CACNB2: variants seen among roughly 807,000 people sequenced by gnomAD.
CACNB2 encodes the protein calcium voltage-gated channel auxiliary subunit beta 2.
CACNB2 carries 42 observed loss-of-function variants against 73.3 expected under a neutral mutation model. The observed-to-expected ratio is 0.57, with a 90% confidence interval of 0.45 to 0.74. The LOEUF (loss-of-function observed/expected upper bound fraction) is 0.74, where lower values mean the gene tolerates loss of function less well. Ranked by LOEUF, CACNB2 falls within the 30% of genes least tolerant of loss-of-function variation. The pLI, the probability that CACNB2 is intolerant of heterozygous loss-of-function variation, is 0.00. For synonymous variants in CACNB2, 348 were observed against 310.3 expected (o/e 1.12, Z -1.28); for missense variants, 940 against 853.0 (o/e 1.10, Z -1.27).
intron 3 of CACNB2, among the ~76,000 whole-genome samples, chr10:18,413,291 G>A (rs185886575): frequency 7.9e-5 from 12 of 152,244 alleles, no homozygotes; most frequent in Admixed American, 7.9e-4. Flanking sequence ...TTATGTATTG[G>A]GACCTTTATG....
In CACNB2 at chr10:18,540,105, C is replaced by T. The variant is rs2133341662; in HGVS notation, c.*381C>T. ...TAAAAAGTGGAATTTCTTGTTTCTC[C>T]AGATTTTTAATACGTTAATACGCAG... On this transcript the variant is annotated 3_prime_UTR_variant, in exon 14 of 14. Transcript: ENST00000324631. 5.1e-6 allele frequency: 1 copy of T among 196,338 alleles called. No homozygotes were observed. Among genetic ancestry groups the T allele is most frequent in the East Asian group, 1.3e-4 (1 of 7,762 alleles). 12.2% of individuals were successfully genotyped at this position (196,338 alleles called of 1,614,324 possible).
intron 2 of CACNB2, among the ~76,000 whole-genome samples, chr10:18,342,047 C>A (rs774980269): frequency 1.3e-5 from 2 of 152,084 alleles, no homozygotes; most frequent in Non-Finnish European, 2.9e-5. Flanking sequence ...ATGTCACGCC[C>A]ACCTATCAAA....
rs767467226 is a variant in CACNB2 at position 18,310,332 on chromosome 10, G to A, written c.214-91592G>A. On this transcript the variant is annotated intron_variant, in intron 2 of 13. Transcript: ENST00000324631. Reference sequence around the variant, plus strand: ...AAAAAAGTGATTTTTTAGGCTGGGCGTGGTGGCTCACGCCCGTAATCCCAA... The same window carrying A: ...AAAAAAGTGATTTTTTAGGCTGGGCATGGTGGCTCACGCCCGTAATCCCAA... Among the ~76,000 whole-genome samples the A allele has an allele frequency of 3.0e-4, 46 of 152,006 alleles. 1 individual carries two copies. Among genetic ancestry groups the A allele is most frequent in the Non-Finnish European group, 4.1e-4 (28 of 67,998 alleles).
At chr10:18,475,376 C>T (rs1464377148) in intron 3 of CACNB2, among the ~76,000 whole-genome samples, 1 of 152,080 alleles carries the variant, frequency 6.6e-6, no homozygotes, top group African/African-American at 2.4e-5. Context: ...CCTCTGGCAC[C>T]CAGGCCCCAT....
chr10:18,516,837 CTG>C (rs2051332678), intron 7 of CACNB2, among the ~76,000 whole-genome samples: 2 of 151,118 alleles, frequency 1.3e-5, no homozygotes, highest in Admixed American at 6.6e-5. Flanking sequence ...CTGTTCAAAA[CTG>C]TATTCTACCT....
chr10:18,329,374 C>T (rs1485866674), intron 2 of CACNB2, among the ~76,000 whole-genome samples: 2 of 151,812 alleles, frequency 1.3e-5, no homozygotes, highest in African/African-American at 4.8e-5. Context: ...CAAAGTTCCA[C>T]AAACAAAAGA....
chr10:18,291,499 A>AT (rs1226328966), intron 2 of CACNB2, among the ~76,000 whole-genome samples: 1 of 152,214 alleles, frequency 6.6e-6, no homozygotes, highest in African/African-American at 2.4e-5. Context: ...TTCTGCCTCC[A>AT]TAGTGATCAG....
At chr10:18,513,290 G>T in intron 6 of CACNB2, 1 of 159,694 alleles carries the variant, frequency 6.3e-6, no homozygotes, top group Non-Finnish European at 1.4e-5. Flanking sequence ...ATTTTTGCTT[G>T]GCTCATGAGG....
chr10:18,186,465 A>G (rs1239905919), intron 2 of CACNB2, among the ~76,000 whole-genome samples: 5 of 151,996 alleles, frequency 3.3e-5, no homozygotes, highest in African/African-American at 1.2e-4. Context: ...GGTAATTTCT[A>G]AAGAAAAGAA....
chr10:18,140,733 G>A lies in CACNB2; in HGVS notation c.-4G>A, dbSNP rs750808913. 1.7e-5 allele frequency: 27 copies of A among 1,590,734 alleles called. No individual in the cohort carries two copies. In the African/African-American group the frequency reaches 3.5e-4, roughly 21 times the overall value. On this transcript the variant is annotated 5_prime_UTR_variant, in exon 1 of 14. Coordinates refer to ENST00000324631, the MANE Select transcript of CACNB2 (RefSeq NM_201596.3). ...CTGCTTCGCTCCGAGCCGACTTTTCGCCAATGGTCCAAAGGGACATGTCCA... is the reference window on the plus strand; with the variant it reads ...CTGCTTCGCTCCGAGCCGACTTTTCACCAATGGTCCAAAGGGACATGTCCA...
chr10:18,348,583 G>A (rs566045645), intron 2 of CACNB2, among the ~76,000 whole-genome samples: 3 of 152,118 alleles, frequency 2.0e-5, no homozygotes, highest in African/African-American at 4.8e-5. Context: ...GCCTGATCTC[G>A]GCTCACTGCA....
At chr10:18,518,624 T>G (rs370915892) in intron 8 of CACNB2, among the ~76,000 whole-genome samples, 2 of 152,340 alleles carry the variant, frequency 1.3e-5, no homozygotes, top group Middle Eastern at 3.4e-3. Flanking sequence ...GCTGTTGCTT[T>G]GAAGATTTCT....
chr10:18,220,228 TATATAGAGAGAG>T (rs1191239968), intron 2 of CACNB2, among the ~76,000 whole-genome samples: 170 of 40,912 alleles, frequency 4.2e-3, no homozygotes, highest in African/African-American at 0.019. Flanking sequence ...TATATATATA[TATATAGAGAGAG>T]AGAGAGAGAG....
At chr10:18,154,086 C>T (rs535054819) in intron 2 of CACNB2, among the ~76,000 whole-genome samples, 4 of 151,264 alleles carry the variant, frequency 2.6e-5, no homozygotes, top group Non-Finnish European at 5.9e-5. Flanking sequence ...CTACTATAGC[C>T]CTTTGATTAA....
At chr10:18,400,132 G>A (rs2043915934) in intron 2 of CACNB2, among the ~76,000 whole-genome samples, 1 of 152,120 alleles carries the variant, frequency 6.6e-6, no homozygotes. Context: ...GATTACTTTC[G>A]TGTCCTAATT....
chr10:18,520,674 T>A, intron 9 of CACNB2, among the ~76,000 whole-genome samples: 1 of 152,188 alleles, frequency 6.6e-6, no homozygotes, highest in East Asian at 1.9e-4. Context: ...CTTACCTAGA[T>A]TTTCTCTTGC....
At position 18,348,933 on chromosome 10, in the gene CACNB2, A is replaced by G. The variant is rs1362711900; in HGVS notation, c.214-52991A>G. ...CAGGAGTTTGAGACCAGCCTGGGCA[A>G]CATAGGGAGACCCTGTCTCTACAAA... On this transcript the variant is annotated intron_variant, in intron 2 of 13. Transcript: ENST00000324631. Among the ~76,000 whole-genome samples, 20 of 152,262 alleles carry G rather than the reference A, an allele frequency of 1.3e-4. No individual in the cohort carries two copies. The East Asian group carries it at 2.1e-3, about 16-fold the overall frequency.
intron 3 of CACNB2, among the ~76,000 whole-genome samples, chr10:18,474,531 C>A (rs2048342708): frequency 6.6e-6 from 1 of 152,198 alleles, no homozygotes; most frequent in Admixed American, 6.5e-5. Context: ...AATTCCCCAA[C>A]TGTTTTCCTA....
chr10:18,428,921 C>A (rs2045742787), intron 3 of CACNB2, among the ~76,000 whole-genome samples: 1 of 152,104 alleles, frequency 6.6e-6, no homozygotes, highest in Non-Finnish European at 1.5e-5. Flanking sequence ...TTTATGTTTT[C>A]TTAACCTTAC....
Sources: gnomAD v4.1 joint callset for allele counts (sites outside exome capture counted in the v4.1 genomes callset) on GRCh38, gnomAD v4.1.1 for gene constraint, MANE v1.5 for transcripts, NCBI Gene and HGNC (gene_info 2026-07-23, HGNC 2026-07-21) for gene names.